The following CNTN4 variants were observed in gnomAD, a reference collection of about 807,000 sequenced individuals.
CNTN4 encodes the protein contactin-4.
CNTN4 carries 77 observed loss-of-function variants against 122.5 expected under a neutral mutation model. The observed-to-expected ratio is 0.63, with a 90% CI of 0.52 to 0.76. The LOEUF is 0.76. Among genes scored for constraint, CNTN4 ranks in the 30% least tolerant of loss-of-function variants. The pLI is 0.00. For missense variants in CNTN4, 1,256 were observed against 1,259.1 expected (o/e 1.00, Z 0.04); for synonymous variants, 512 against 447.0 (o/e 1.15, Z -1.83).
At chr3:2,553,507 A>G (rs1021055964) in intron 3 of CNTN4, among the ~76,000 whole-genome samples, 2 of 152,194 alleles carry the variant, frequency 1.3e-5, no homozygotes. Flanking sequence ...TCAAAACTCC[A>G]ATATCAACTT....
chr3:2,735,449 T>C (rs1018419455), intron 4 of CNTN4, among the ~76,000 whole-genome samples: 5 of 152,354 alleles, frequency 3.3e-5, no homozygotes, highest in Middle Eastern at 3.4e-3. Flanking sequence ...GTTTCTCTTA[T>C]TGAGAGAAAG....
intron 19 of CNTN4, chr3:3,039,281 G>A (rs1191191241): frequency 5.4e-6 from 2 of 371,556 alleles, no homozygotes; most frequent in African/African-American, 4.1e-5. Flanking sequence ...GGCTGTTTCA[G>A]AGAAAACTAG....
intron 7 of CNTN4, among the ~76,000 whole-genome samples, chr3:2,853,709 C>T (rs2093584167): frequency 6.6e-6 from 1 of 152,196 alleles, no homozygotes; most frequent in South Asian, 2.1e-4. Context: ...TAGACATGAG[C>T]ATGGACACTT....
chr3:2,995,588 G>A (rs908284769), intron 14 of CNTN4, among the ~76,000 whole-genome samples: 2 of 152,080 alleles, frequency 1.3e-5, no homozygotes, highest in Non-Finnish European at 2.9e-5. Flanking sequence ...GACAGGCCTC[G>A]TATTTTTGCT....
intron 5 of CNTN4, among the ~76,000 whole-genome samples, chr3:2,740,609 TTACA>T (rs1263200440): frequency 1.3e-5 from 2 of 152,308 alleles, no homozygotes; most frequent in South Asian, 4.1e-4. Flanking sequence ...TTTTTATAAC[TTACA>T]TACATCTTAT....
chr3:2,828,894 C>T (rs987604261), intron 7 of CNTN4, among the ~76,000 whole-genome samples: 10 of 152,070 alleles, frequency 6.6e-5, no homozygotes, highest in Non-Finnish European at 7.4e-5. Context: ...TGAGCCACCA[C>T]ACCAGGCTAA....
chr3:2,170,238 G>T (rs376991344), intron 2 of CNTN4, among the ~76,000 whole-genome samples: 2,050 of 151,626 alleles, frequency 0.014, 19 homozygotes, highest in African/African-American at 0.037. Flanking sequence ...GAGAATGGCG[G>T]GAACCCGGGA....
intron 10 of CNTN4, among the ~76,000 whole-genome samples, chr3:2,896,007 T>A (rs2151089806): frequency 6.6e-6 from 1 of 152,298 alleles, no homozygotes; most frequent in South Asian, 2.1e-4. Context: ...CACTCTGGTC[T>A]GGGCGACAGA....
intron 2 of CNTN4, among the ~76,000 whole-genome samples, chr3:2,252,313 T>C: frequency 6.6e-6 from 1 of 151,984 alleles, no homozygotes; most frequent in East Asian, 1.9e-4. Flanking sequence ...AAACATTAGG[T>C]TTTTAAATCA....
At chr3:2,604,954 G>T (rs936942344) in intron 4 of CNTN4, among the ~76,000 whole-genome samples, 2 of 152,068 alleles carry the variant, frequency 1.3e-5, no homozygotes, top group African/African-American at 2.4e-5. Context: ...GCTCTATATT[G>T]TAGGGGAGAT....
chr3:2,518,213 A>G (rs1042413233), intron 3 of CNTN4, among the ~76,000 whole-genome samples: 2 of 142,846 alleles, frequency 1.4e-5, no homozygotes, highest in Admixed American at 1.4e-4. Flanking sequence ...TCTTAGGTTA[A>G]TATGTGTGTG....
chr3:2,571,660 G>A, intron 4 of CNTN4, 102 bp downstream of exon 4: 1 of 833,570 alleles, frequency 1.2e-6, no homozygotes, highest in Middle Eastern at 2.7e-4. Flanking sequence ...AAAATCGCAA[G>A]AGTATATGCT....
At chr3:2,438,758 G>C (rs1388451578) in intron 3 of CNTN4, among the ~76,000 whole-genome samples, 1 of 152,174 alleles carries the variant, frequency 6.6e-6, no homozygotes, top group Non-Finnish European at 1.5e-5. Flanking sequence ...GGTAATAGCA[G>C]GCTAAAGAAT....
chr3:2,728,697 ACCTAC>A (rs753982135), intron 4 of CNTN4, among the ~76,000 whole-genome samples: 4 of 152,198 alleles, frequency 2.6e-5, no homozygotes, highest in Non-Finnish European at 5.9e-5. Context: ...GCAAAAAGCT[ACCTAC>A]CCTCCAGATG....
chr3:2,707,450 G>C (rs1229440104), intron 4 of CNTN4, among the ~76,000 whole-genome samples: 1 of 152,152 alleles, frequency 6.6e-6, no homozygotes, highest in Non-Finnish European at 1.5e-5. Context: ...CAAAGGGGTA[G>C]TACAGATAGC....
intron 6 of CNTN4, among the ~76,000 whole-genome samples, chr3:2,805,063 G>A (rs1481396004): frequency 6.6e-6 from 1 of 152,048 alleles, no homozygotes; most frequent in Non-Finnish European, 1.5e-5. Flanking sequence ...TGTAATCCCA[G>A]CTACTTGGGA....
At chr3:2,349,391 C>T (rs1382744613) in intron 3 of CNTN4, among the ~76,000 whole-genome samples, 2 of 152,092 alleles carry the variant, frequency 1.3e-5, no homozygotes, top group Non-Finnish European at 2.9e-5. Context: ...ACATTTAGTA[C>T]ACAATAACCC....
chr3:2,255,552 C>T (rs1026871554), intron 2 of CNTN4, among the ~76,000 whole-genome samples: 1 of 152,126 alleles, frequency 6.6e-6, no homozygotes, highest in African/African-American at 2.4e-5. Context: ...AAACTCTACT[C>T]AGCAAATGCA....
chr3:3,057,380 C>T lies in CNTN4; in HGVS notation c.*1160C>T, dbSNP rs1701870899. ...GATGATTCTGTTTTGCAATAGGTAGCCTAGTTGCTTTATATGCTTTACCTT... is the reference window on the plus strand; with the variant it reads ...GATGATTCTGTTTTGCAATAGGTAGTCTAGTTGCTTTATATGCTTTACCTT... On this transcript the variant is annotated 3_prime_UTR_variant, in exon 25 of 25. Coordinates refer to ENST00000418658, the MANE Select transcript of CNTN4 (RefSeq NM_175607.3). 6.6e-6 allele frequency: 1 copy of T among 152,556 alleles called. No homozygotes were observed. Among genetic ancestry groups the T allele is most frequent in the African/African-American group, 2.4e-5 (1 of 41,424 alleles). 9.5% of individuals were successfully genotyped at this position (152,556 alleles called of 1,614,324 possible).
Sources: gnomAD v4.1 joint callset for allele counts (sites outside exome capture counted in the v4.1 genomes callset) on GRCh38, gnomAD v4.1.1 for gene constraint, MANE v1.5 for transcripts, NCBI Gene and HGNC (gene_info 2026-07-23, HGNC 2026-07-21) for gene names.